The following SLC34A2 variants were observed in gnomAD, a reference collection of about 807,000 sequenced individuals.
SLC34A2 encodes the protein sodium-dependent phosphate transport protein 2B.
SLC34A2 carries 41 observed loss-of-function variants against 50.8 expected under a neutral mutation model. The observed-to-expected ratio is 0.81, with a 90% confidence interval of 0.63 to 1.05. The LOEUF is 1.05. Ranked by LOEUF, SLC34A2 falls within the 50% of genes least tolerant of loss-of-function variation. The pLI is 0.00. For missense variants in SLC34A2, 879 were observed against 876.7 expected, an observed-to-expected ratio of 1.00 and a Z score of -0.03; for synonymous variants, 401 against 364.2, an observed-to-expected ratio of 1.10 and a Z score of -1.15.
At chr4:25,673,383 G>A (rs1714928175) in intron 10 of SLC34A2, 129 bp downstream of exon 10, 1 of 932,388 alleles carries the variant, frequency 1.1e-6, no homozygotes, top group Admixed American at 2.0e-5. Context: ...AGCACCAGAA[G>A]TGAGGATGTC....
rs1333606736 is a variant in SLC34A2 at position 25,677,075 on chromosome 4, C to CA, written c.*331dup. ...GGTCAGTAGAACCTATTTTCAGACT[C>CA]AAAAACCATCTTCAGAAAGAAAAGG... On this transcript the variant is annotated 3_prime_UTR_variant, in exon 13 of 13. Transcript: ENST00000382051. The CA allele has an allele frequency of 1.8e-5, 6 of 339,214 alleles. No homozygotes were observed. The highest frequency in any genetic ancestry group is 4.1e-5 in the South Asian group (1 of 24,148). The allele number at this position is 339,214 out of a possible 1,614,324, so 21.0% of individuals were successfully genotyped here. A position where few individuals can be genotyped will look rare whatever the true frequency, so the allele number is the denominator to read the frequency against.
intron 8 of SLC34A2, 109 bp from the exon 9 acceptor site, chr4:25,671,492 T>G (rs758799893): frequency 5.3e-6 from 7 of 1,324,370 alleles, no homozygotes; most frequent in Non-Finnish European, 7.6e-6. Context: ...GGGGCCATAC[T>G]GCATGCACCA....
chr4:25,665,193 T>TTTCA (rs1288309231), intron 4 of SLC34A2: 1 of 173,090 alleles, frequency 5.8e-6, no homozygotes, highest in African/African-American at 2.8e-5. Flanking sequence ...TGAGACAGAG[T>TTTCA]TTCACTCTTG....
intron 10 of SLC34A2, among the ~76,000 whole-genome samples, chr4:25,674,000 T>C (rs1002600754): frequency 6.6e-6 from 1 of 151,242 alleles, no homozygotes; most frequent in East Asian, 1.9e-4. Flanking sequence ...AAGCATGCTC[T>C]CAGCACTTTC....
chr4:25,656,480 G>A (rs1334259631), intron 1 of SLC34A2: 1 of 152,314 alleles, frequency 6.6e-6, no homozygotes, highest in Middle Eastern at 3.4e-3. Flanking sequence ...TTTCTATTAG[G>A]GCCCGTGGCC....
Position 25,677,151 on chromosome 4 carries a change from CTA to C in SLC34A2, c.*404_*405del, listed in dbSNP as rs1356982502. On this transcript the variant is annotated 3_prime_UTR_variant, in exon 13 of 13. Coordinates refer to ENST00000382051, the MANE Select transcript of SLC34A2 (RefSeq NM_006424.3). ...TCTCCCAGATGAGGAAGTGTACTCT[CTA>C]TGACTATCAAGCTCAGGCCTCTCCC... The C allele has an allele frequency of 2.8e-5, 6 of 214,202 alleles. No individual in the cohort carries two copies. The highest frequency in any genetic ancestry group is 4.8e-5 in the Non-Finnish European group (5 of 105,162). 13.3% of individuals were successfully genotyped at this position (214,202 alleles called of 1,614,324 possible).
In SLC34A2 at chr4:25,662,174, C is replaced by G. The variant is rs1049245963; in HGVS notation, c.-3-324C>G. Among the ~76,000 whole-genome samples, 3 of 152,282 alleles carry G rather than the reference C, an allele frequency of 2.0e-5. No individual in the cohort carries two copies. The East Asian group carries it at 5.8e-4, about 29-fold the overall frequency. On this transcript the variant is annotated intron_variant, in intron 1 of 12. Transcript: ENST00000382051. ...GGCGTGAGCCACGGTGCCCGTTGCA[C>G]CCTGCTTTTGACTGAAGGAGAGAGT... is the stretch of plus-strand genomic sequence containing the variant.
chr4:25,666,045 G>A (rs1420083789), intron 4 of SLC34A2, 83 bp from the exon 5 acceptor site: 3 of 1,567,562 alleles, frequency 1.9e-6, no homozygotes, highest in East Asian at 4.5e-5. Flanking sequence ...GGCCTTGGAT[G>A]GAGACTTCTG....
In SLC34A2 at chr4:25,674,585, G is replaced by T; in HGVS notation, c.1414G>T (p.Ala472Ser). 1 of 1,614,226 alleles carries T rather than the reference G, an allele frequency of 6.2e-7. No homozygotes were observed. The highest frequency in any genetic ancestry group is 8.5e-7 in the Non-Finnish European group (1 of 1,180,038). ...CGGCACCACCACCACCGCCATCCTG[G>T]CCGCCTTAGCCAGCCCTGGCAATGC... ...NIGTTTTAIL[A>S]ALASPGNALR... The change falls in exon 12 of 13, where the codon GCC becomes TCC. Residue 472 changes from alanine (A) to serine (S), a missense_variant. Transcript: ENST00000382051.
intron 4 of SLC34A2, chr4:25,664,833 C>T (rs891397411): frequency 1.3e-5 from 3 of 237,490 alleles, no homozygotes; most frequent in Non-Finnish European, 2.5e-5. Flanking sequence ...AGTGAAGTCA[C>T]CATGTGCTTG....
chr4:25,672,766 TA>T (rs140174266), intron 9 of SLC34A2, among the ~76,000 whole-genome samples: 44 of 146,474 alleles, frequency 3.0e-4, no homozygotes, highest in Admixed American at 2.7e-4. Flanking sequence ...TTATCATTAG[TA>T]AAAAAAAAAA....
At chr4:25,671,576 G>A in intron 8 of SLC34A2, 25 bp from the exon 9 acceptor site, 2 of 1,613,996 alleles carry the variant, frequency 1.2e-6, no homozygotes, top group South Asian at 1.1e-5. Flanking sequence ...CAGTGTTGTG[G>A]GCATTTGTCA....
At position 25,677,193 on chromosome 4, in the gene SLC34A2, A is replaced by T. The variant is rs1325938000; in HGVS notation, c.*444A>T. The T allele has an allele frequency of 5.7e-6, 1 of 175,516 alleles. No homozygotes were observed. The highest frequency in any genetic ancestry group is 2.4e-5 in the African/African-American group (1 of 42,308). The allele number at this position is 175,516 out of a possible 1,614,324, so 10.9% of individuals were successfully genotyped here. A position where few individuals can be genotyped will look rare whatever the true frequency, so the allele number is the denominator to read the frequency against. ...AGGCCTCTCCCTTTTTTTAAACCAA[A>T]GTCTGGCAACCAAGAGCAGCAGCTC... On this transcript the variant is annotated 3_prime_UTR_variant, in exon 13 of 13. Coordinates refer to ENST00000382051, the MANE Select transcript of SLC34A2 (RefSeq NM_006424.3).
At chr4:25,675,913 T>C (rs1715081723) in intron 12 of SLC34A2, among the ~76,000 whole-genome samples, 1 of 152,160 alleles carries the variant, frequency 6.6e-6, no homozygotes, top group African/African-American at 2.4e-5. Flanking sequence ...TTTTTGAGAA[T>C]TGAGATAATG....
In SLC34A2 at chr4:25,678,523, A is replaced by G. The variant is rs4600903; in HGVS notation, c.*1774A>G. 16,496 of 181,322 alleles carry G rather than the reference A, an allele frequency of 0.091. 2,841 individuals are homozygous for G. Among genetic ancestry groups the G allele is most frequent in the African/African-American group, 0.36 (15,114 of 42,290 alleles). 11.2% of individuals were successfully genotyped at this position (181,322 alleles called of 1,614,324 possible). A position where few individuals can be genotyped will look rare whatever the true frequency, so the allele number is the denominator to read the frequency against. ...CGTCTTTGTACTCTGGTGATTTTTA[A>G]AAATTGAATCTTTGTACTTGCATTG... On this transcript the variant is annotated 3_prime_UTR_variant, in exon 13 of 13. Coordinates refer to ENST00000382051, the MANE Select transcript of SLC34A2 (RefSeq NM_006424.3).
At chr4:25,657,953 C>T (rs1260040830) in intron 1 of SLC34A2, among the ~76,000 whole-genome samples, 2 of 152,164 alleles carry the variant, frequency 1.3e-5, no homozygotes, top group East Asian at 1.9e-4. Context: ...AAGGAGACGT[C>T]ACCCTCTTGG....
rs116358149 is a variant in SLC34A2 at position 25,676,472 on chromosome 4, C to G, written c.1796C>G (p.Ser599Trp). ...NWNFLPLWMR[S>W]LKPWDAVVSK... is the part of the protein sequence containing the mutation. ...AACTTCCTGCCGCTGTGGATGCGCT[C>G]GCTGAAGCCCTGGGATGCCGTCGTC... The change falls in exon 13 of 13, where the codon TCG (serine) becomes TGG (tryptophan). Residue 599 changes from serine to tryptophan, a missense_variant. Transcript: ENST00000382051. 6.2e-7 allele frequency: 1 copy of G among 1,614,198 alleles called. No homozygotes were observed. The highest frequency in any genetic ancestry group is 8.5e-7 in the Non-Finnish European group (1 of 1,180,048).
In SLC34A2 at chr4:25,666,245, T is replaced by G. The variant is rs1469509708; in HGVS notation, c.497T>G (p.Ile166Ser). The change falls in exon 5 of 13, where the codon ATC becomes AGC. Residue 166 changes from isoleucine (I) to serine (S), a missense_variant. Ile to Ser is a moderately radical substitution (Grantham distance 142). Coordinates refer to ENST00000382051, the MANE Select transcript of SLC34A2 (RefSeq NM_006424.3). ...LVQSSSTSTSIVVSMVSSSLL... is the reference protein window; with the variant it reads ...LVQSSSTSTSSVVSMVSSSLL... ...CAGAGCTCCAGCACCTCAACGTCCA[T>G]CGTTGTCAGCATGGTGTCCTCTTCA... 1 of 1,614,020 alleles carries G rather than the reference T, an allele frequency of 6.2e-7. No individual in the cohort carries two copies. Among genetic ancestry groups the G allele is most frequent in the Admixed American group, 1.7e-5 (1 of 60,020 alleles).
At chr4:25,667,794 T>G in intron 5 of SLC34A2, 86 bp from the exon 6 acceptor site, 3 of 848,784 alleles carry the variant, frequency 3.5e-6, no homozygotes, top group Non-Finnish European at 6.0e-6. Context: ...AAAAACTACT[T>G]CTTTAGAGGA....
Sources: allele counts gnomAD v4.1 joint callset (sites outside exome capture counted in the v4.1 genomes callset), GRCh38; gene constraint gnomAD v4.1.1; transcripts MANE v1.5; gene names NCBI Gene and HGNC (gene_info 2026-07-23, HGNC 2026-07-21).